The following STAT5B variants were observed in gnomAD, a reference collection of about 807,000 sequenced individuals.
The protein encoded by STAT5B is signal transducer and activator of transcription 5B.
STAT5B carries 21 observed loss-of-function variants against 107.8 expected under a neutral mutation model. That is an observed-to-expected ratio of 0.19 (90% CI 0.14 to 0.28). The LOEUF is 0.28. STAT5B is among the 10% of genes least tolerant of loss of function. The pLI is 1.00. For synonymous variants in STAT5B, 325 were observed against 401.7 expected (o/e 0.81, Z 2.28); for missense variants, 565 against 1,008.2 (o/e 0.56, Z 5.95).
chr17:42,274,511 G>C (rs2080748850), intron 1 of STAT5B, among the ~76,000 whole-genome samples: 1 of 152,150 alleles, frequency 6.6e-6, no homozygotes, highest in Non-Finnish European at 1.5e-5. Context: ...ATTTAGCCAT[G>C]TCCATTCTAA....
upstream of STAT5B, among the ~76,000 whole-genome samples, chr17:42,279,979 A>AT (rs958986852): frequency 1.4e-4 from 22 of 152,090 alleles, no homozygotes; most frequent in African/African-American, 5.1e-4. Context: ...GAATGTTGTC[A>AT]TCCTGGGATG....
intron 1 of STAT5B, among the ~76,000 whole-genome samples, chr17:42,253,077 A>G (rs139555064): frequency 4.4e-4 from 67 of 152,278 alleles, no homozygotes; most frequent in African/African-American, 1.6e-3. Flanking sequence ...ATGACTCAGG[A>G]CTTATGGCAT....
chr17:42,232,146 C>G lies in STAT5B; in HGVS notation c.-10-9G>C, dbSNP rs1183088786. On this transcript the variant is annotated splice_polypyrimidine_tract_variant and intron_variant, in intron 1 of 18. Transcript: ENST00000293328. ...CAGCCATGGTTTACAATCTGTTGAA[C>G]AAACAATCAGTGCTTTGGGCGTTTT... The G allele has an allele frequency of 3.1e-6, 5 of 1,613,294 alleles. No homozygotes were observed. The Admixed American group carries it at 6.7e-5, about 22-fold the overall frequency.
intron 2 of STAT5B, among the ~76,000 whole-genome samples, chr17:42,228,918 A>T (rs1442002569): frequency 1.3e-5 from 2 of 152,208 alleles, no homozygotes; most frequent in African/African-American, 4.8e-5. Context: ...TGGGTGACAA[A>T]GCAAGATTCT....
At chr17:42,287,198 CT>C in the STAT5B span, among the ~76,000 whole-genome samples, 291 of 143,778 alleles carry the variant, frequency 2.0e-3, 1 homozygote, top group African/African-American at 2.0e-3. Flanking sequence ...CTTTGAAGTT[CT>C]TTTTTTTTTT....
At chr17:42,251,552 GATA>G (rs2080499884) in intron 1 of STAT5B, among the ~76,000 whole-genome samples, 1 of 152,114 alleles carries the variant, frequency 6.6e-6, no homozygotes, top group Non-Finnish European at 1.5e-5. Flanking sequence ...TGTAAGACAG[GATA>G]ACAAAGGATA....
chr17:42,224,936 G>T, intron 3 of STAT5B, 68 bp from the exon 4 acceptor site: 1 of 1,548,010 alleles, frequency 6.5e-7, no homozygotes, highest in Non-Finnish European at 8.9e-7. Context: ...CATGCCTCAG[G>T]ATGGGGAGCC....
At chr17:42,213,986 A>G (rs1482206195) in intron 12 of STAT5B, among the ~76,000 whole-genome samples, 1 of 151,482 alleles carries the variant, frequency 6.6e-6, no homozygotes, top group African/African-American at 2.4e-5. Context: ...TACTAAAAAT[A>G]TAAAAAATTA....
chr17:42,273,085 T>C (rs2080733923), intron 1 of STAT5B, among the ~76,000 whole-genome samples: 1 of 152,200 alleles, frequency 6.6e-6, no homozygotes, highest in South Asian at 2.1e-4. Flanking sequence ...TTTTAAAAAG[T>C]ATTTATCACT....
chr17:42,215,842 G>A (rs912350050), intron 12 of STAT5B, among the ~76,000 whole-genome samples, 172 bp downstream of exon 12: 5 of 152,038 alleles, frequency 3.3e-5, no homozygotes, highest in Admixed American at 1.3e-4. Context: ...GGCTGGTCTC[G>A]AACTCCTGAC....
chr17:42,216,164 T>A, intron 11 of STAT5B, 58 bp from the exon 12 acceptor site: 2 of 1,396,144 alleles, frequency 1.4e-6, no homozygotes, highest in Non-Finnish European at 1.9e-6. Context: ...TCTCCTTCTC[T>A]CTTTTTTTTT....
At chr17:42,287,328 G>GCC in the STAT5B span, among the ~76,000 whole-genome samples, 1 of 118,676 alleles carries the variant, frequency 8.4e-6, no homozygotes. Context: ...AGATGAGAAT[G>GCC]CACCCCCCCC....
intron 12 of STAT5B, among the ~76,000 whole-genome samples, chr17:42,215,061 T>C (rs147151169): frequency 2.8e-4 from 43 of 152,314 alleles, no homozygotes; most frequent in African/African-American, 1.0e-3. Flanking sequence ...ATCTTTAAAA[T>C]GCTCATCGAG....
chr17:42,227,913 T>G (rs868277771), intron 2 of STAT5B, among the ~76,000 whole-genome samples: 1 of 151,742 alleles, frequency 6.6e-6, no homozygotes, highest in African/African-American at 2.4e-5. Context: ...AAAAAAAAAA[T>G]TTTTAACAAT....
At chr17:42,255,000 A>C (rs2080530670) in intron 1 of STAT5B, among the ~76,000 whole-genome samples, 1 of 152,158 alleles carries the variant, frequency 6.6e-6, no homozygotes, top group Admixed American at 6.5e-5. Context: ...CTGAGGCAGG[A>C]GAACCACTTG....
At chr17:42,218,384 GCT>G (rs1387514098) in intron 8 of STAT5B, 54 bp from the exon 9 acceptor site, 2 of 1,589,810 alleles carry the variant, frequency 1.3e-6, no homozygotes, top group Admixed American at 1.7e-5. Context: ...AGGGGAAAGG[GCT>G]CTCAGTCCCT....
At chr17:42,264,619 T>A (rs1048177663) in intron 1 of STAT5B, among the ~76,000 whole-genome samples, 2 of 152,180 alleles carry the variant, frequency 1.3e-5, no homozygotes, top group Non-Finnish European at 2.9e-5. Context: ...GTTGGACATC[T>A]GGGTTGGTTC....
At chr17:42,242,641 G>A (rs1157628151) in intron 1 of STAT5B, among the ~76,000 whole-genome samples, 1 of 144,000 alleles carries the variant, frequency 6.9e-6, no homozygotes, top group Non-Finnish European at 1.5e-5. Context: ...GGTTAAAGGA[G>A]ACTGAAGAGA....
At chr17:42,218,428 G>A (rs754832023) in intron 8 of STAT5B, 98 bp from the exon 9 acceptor site, 12 of 1,532,940 alleles carry the variant, frequency 7.8e-6, no homozygotes, top group Non-Finnish European at 1.1e-5. Context: ...CTCCCGAGGG[G>A]CTCAGGAGGT....
Sources: gnomAD v4.1 joint callset for allele counts (sites outside exome capture counted in the v4.1 genomes callset) on GRCh38, gnomAD v4.1.1 for gene constraint, MANE v1.5 for transcripts, NCBI Gene and HGNC (gene_info 2026-07-23, HGNC 2026-07-21) for gene names.